Variants in TNNT1 observed in about 807,000 individuals in gnomAD.
TNNT1 encodes troponin T, slow skeletal muscle.
In TNNT1, 53 loss-of-function variants were observed where a neutral mutation model predicts 50.6. The ratio of observed to expected loss-of-function variants is 1.05; its 90% CI spans 0.84 to 1.32. TNNT1 has a LOEUF of 1.32. Ranked by LOEUF, TNNT1 falls within the 40% of genes most tolerant of loss-of-function variation. TNNT1 has a pLI of 0.00. For missense variants in TNNT1, 348 were observed against 381.7 expected (o/e 0.91, Z 0.74); for synonymous variants, 142 against 138.0 (o/e 1.03, Z -0.20).
At chr19:55,138,150 G>A in intron 9 of TNNT1, 76 bp from the exon 10 acceptor site, 4 of 1,610,446 alleles carry the variant, frequency 2.5e-6, no homozygotes, top group South Asian at 2.2e-5. Context: ...TGTGGAACTG[G>A]GGCACAGGGA....
In TNNT1 at chr19:55,137,178, C is replaced by T. The variant is rs2147244813; in HGVS notation, c.536G>A (p.Arg179Gln). The stretch of plus-strand genomic sequence containing the variant: ...GGAGAGGATGCGCACCTTCATCTCC[C>T]GCCCCGTCTGCCGCTTACCACGCTT... ...EQKRGKRQTG[R>Q]EMKVRILSER... Residue 179 changes from arginine (R) to glutamine (Q), a missense_variant, in exon 11 of 14, where the codon CGG (arginine) becomes CAG (glutamine). Arg to Gln is a conservative substitution (Grantham distance 43). Coordinates refer to ENST00000588981, the MANE Select transcript of TNNT1 (RefSeq NM_003283.6). 9 of 1,613,584 alleles carry T rather than the reference C, an allele frequency of 5.6e-6. No individual in the cohort carries two copies. The highest frequency in any genetic ancestry group is 1.3e-5 in the African/African-American group (1 of 74,916).
At chr19:55,139,649 A>T (rs2085415207) in intron 9 of TNNT1, among the ~76,000 whole-genome samples, 1 of 152,092 alleles carries the variant, frequency 6.6e-6, no homozygotes, top group Non-Finnish European at 1.5e-5. Flanking sequence ...CCATCTCAAG[A>T]TCTTTAATTT....
intron 4 of TNNT1, 51 bp downstream of exon 4, chr19:55,146,630 T>TC: frequency 2.9e-6 from 3 of 1,025,178 alleles, no homozygotes; most frequent in Non-Finnish European, 4.2e-6. Flanking sequence ...GGGCCCAGCG[T>TC]CCCCGCCCCC....
intron 6 of TNNT1, 149 bp downstream of exon 6, chr19:55,145,395 G>T (rs919877276): frequency 9.8e-6 from 7 of 714,850 alleles, no homozygotes; most frequent in Non-Finnish European, 1.8e-5. Context: ...AGGAGGGAAA[G>T]GGGGAGGGAG....
At position 55,138,092 on chromosome 19, in the gene TNNT1, T is replaced by A. The variant is rs1165829261; in HGVS notation, c.388-18A>T. On this transcript the variant is annotated intron_variant, in intron 9 of 13. Coordinates refer to ENST00000588981, the MANE Select transcript of TNNT1 (RefSeq NM_003283.6). The stretch of plus-strand genomic sequence containing the variant: ...TTCTCCTCCTGTGGGAAGTAAGGGG[T>A]TAACCTCATGGACTCCCCTGTAGGA... 6.2e-7 allele frequency: 1 copy of A among 1,613,994 alleles called. No individual in the cohort carries two copies. Among genetic ancestry groups the A allele is most frequent in the South Asian group, 1.1e-5 (1 of 91,074 alleles).
Position 55,141,315 on chromosome 19 carries a change from CG to C in TNNT1, c.193-14del. On this transcript the variant is annotated splice_polypyrimidine_tract_variant and intron_variant, in intron 7 of 13. Coordinates refer to ENST00000588981, the MANE Select transcript of TNNT1 (RefSeq NM_003283.6). ...TGCGGTGGATGTCCTGCAGGACACA[CG>C]GGCAGCCCGTCCTAGGAGACCCTGG... 6.2e-7 allele frequency: 1 copy of C among 1,609,306 alleles called. No homozygotes were observed. Among genetic ancestry groups the C allele is most frequent in the Non-Finnish European group, 8.5e-7 (1 of 1,175,660 alleles).
chr19:55,134,916 G>T (rs1478920379), intron 11 of TNNT1, among the ~76,000 whole-genome samples: 1 of 150,306 alleles, frequency 6.7e-6, no homozygotes, highest in Non-Finnish European at 1.5e-5. Context: ...AGAAGCCCCT[G>T]GTTCAATTCC....
In TNNT1 at chr19:55,137,097, A is replaced by G. The variant is rs1599875803; in HGVS notation, c.611+6T>C. On this transcript the variant is annotated splice_donor_region_variant and intron_variant, in intron 11 of 13. Coordinates refer to ENST00000588981, the MANE Select transcript of TNNT1 (RefSeq NM_003283.6). The stretch of plus-strand genomic sequence containing the variant: ...CCCTACACCCCGAGCCCCCCACAGC[A>G]CCTACCGGAGCTGTTCCTCCCCCAT... The G allele has an allele frequency of 7.1e-7, 1 of 1,415,290 alleles. No homozygotes were observed. The highest frequency in any genetic ancestry group is 1.6e-5 in the African/African-American group (1 of 63,624). 87.7% of individuals were successfully genotyped at this position (1,415,290 alleles called of 1,614,324 possible). A position where few individuals can be genotyped will look rare whatever the true frequency, so the allele number is the denominator to read the frequency against.
At chr19:55,148,679 C>T (rs564033239) in intron 1 of TNNT1, among the ~76,000 whole-genome samples, 5 of 152,208 alleles carry the variant, frequency 3.3e-5, no homozygotes, top group African/African-American at 1.2e-4. Context: ...AGGCCCAGTT[C>T]ATGATACCCC....
At chr19:55,149,044 A>G in intron 1 of TNNT1, 117 bp downstream of exon 1, 1 of 420,404 alleles carries the variant, frequency 2.4e-6, no homozygotes, top group South Asian at 1.7e-5. Context: ...CTCCAGTTGT[A>G]TGCCCCACCT....
chr19:55,145,152 AAC>A (rs199676086), intron 6 of TNNT1, among the ~76,000 whole-genome samples: 7,064 of 143,098 alleles, frequency 0.049, 503 homozygotes, highest in African/African-American at 0.15. Context: ...AAAAAAAAAA[AAC>A]CAGGTGTGGT....
intron 11 of TNNT1, among the ~76,000 whole-genome samples, chr19:55,135,713 G>C (rs1023740219): frequency 4.6e-5 from 7 of 151,988 alleles, no homozygotes; most frequent in Admixed American, 1.3e-4. Flanking sequence ...TTTTAGTAGA[G>C]ATGGGATTTC....
intron 6 of TNNT1, among the ~76,000 whole-genome samples, chr19:55,142,481 A>G (rs1245475941): frequency 2.0e-5 from 3 of 152,092 alleles, no homozygotes; most frequent in Non-Finnish European, 4.4e-5. Flanking sequence ...ACAGATTAAA[A>G]AAACTGTGCT....
chr19:55,145,932 C>A (rs1278382651), intron 5 of TNNT1, among the ~76,000 whole-genome samples: 1 of 151,916 alleles, frequency 6.6e-6, no homozygotes, highest in African/African-American at 2.4e-5. Flanking sequence ...CAACCTCTGT[C>A]TTCATTCAGT....
intron 1 of TNNT1, chr19:55,148,027 G>C (rs1041228531): frequency 5.2e-5 from 8 of 152,668 alleles, no homozygotes; most frequent in African/African-American, 1.4e-4. Context: ...GGCACAGCCA[G>C]GAGGCTGCAG....
At position 55,146,977 on chromosome 19, in the gene TNNT1, A is replaced by G. The variant is rs759991107; in HGVS notation, c.46+31T>C. 8 of 1,588,830 alleles carry G rather than the reference A, an allele frequency of 5.0e-6. No homozygotes were observed. The Admixed American group carries it at 1.2e-4, about 24-fold the overall frequency. ...CCCAAGAGCTCCTGGGCGTGTCCCCATCCCATAGGGCCGGCCCACTCCCTA... is the reference window on the plus strand; with the variant it reads ...CCCAAGAGCTCCTGGGCGTGTCCCCGTCCCATAGGGCCGGCCCACTCCCTA... On this transcript the variant is annotated intron_variant, in intron 3 of 13. Coordinates refer to ENST00000588981, the MANE Select transcript of TNNT1 (RefSeq NM_003283.6).
At chr19:55,147,778 A>G (rs113971525) in intron 1 of TNNT1, among the ~76,000 whole-genome samples, 7,454 of 84,996 alleles carry the variant, frequency 0.088, 337 homozygotes, top group Non-Finnish European at 0.12. Flanking sequence ...GGTCTGAGGG[A>G]GGAGGGTCTG....
chr19:55,141,822 C>T (rs892504293), intron 7 of TNNT1, 35 bp downstream of exon 7: 4 of 1,611,954 alleles, frequency 2.5e-6, no homozygotes, highest in Non-Finnish European at 3.4e-6. Context: ...TAAAGACTAG[C>T]AACTGCGCCT....
chr19:55,134,218 C>T lies in TNNT1; in HGVS notation c.612-14G>A, dbSNP rs370624486. 30 of 1,557,874 alleles carry T rather than the reference C, an allele frequency of 1.9e-5. No homozygotes were observed. The highest frequency in any genetic ancestry group is 4.7e-5 in the East Asian group (2 of 42,154). On this transcript the variant is annotated splice_polypyrimidine_tract_variant and intron_variant, in intron 11 of 13. Coordinates refer to ENST00000588981, the MANE Select transcript of TNNT1 (RefSeq NM_003283.6). The stretch of plus-strand genomic sequence containing the variant: ...GCAGACCGGGCCCTAGGCCCAGGGA[C>T]GGAGAGGAACTTGGGCCCAGAGAGG...
Sources: gnomAD v4.1 joint callset for allele counts (sites outside exome capture counted in the v4.1 genomes callset) on GRCh38, gnomAD v4.1.1 for gene constraint, MANE v1.5 for transcripts, NCBI Gene and HGNC (gene_info 2026-07-23, HGNC 2026-07-21) for gene names.